Variants in KIAA1671 observed in about 807,000 individuals in gnomAD.
KIAA1671 encodes the protein uncharacterized protein KIAA1671.
Under a neutral mutation model 131.2 loss-of-function variants are expected in KIAA1671, and 52 were observed. The observed-to-expected ratio is 0.40, with a 90% CI of 0.32 to 0.50. The LOEUF is 0.50. KIAA1671 is among the 20% of genes least tolerant of loss of function. The pLI, the probability that KIAA1671 is intolerant of heterozygous loss-of-function variation, is 0.73. For missense variants in KIAA1671, 2,360 were observed against 2,364.2 expected, an observed-to-expected ratio of 1.00 and a Z score of 0.04; for synonymous variants, 1,003 against 961.6, an observed-to-expected ratio of 1.04 and a Z score of -0.80.
At chr22:24,977,515 G>T (rs1358857871) in intron 1 of KIAA1671, among the ~76,000 whole-genome samples, 2 of 152,194 alleles carry the variant, frequency 1.3e-5, no homozygotes. Flanking sequence ...AAACAGAAAG[G>T]CCTGAATGTG....
At chr22:25,122,298 C>A (rs1021041119) in intron 6 of KIAA1671, among the ~76,000 whole-genome samples, 7 of 152,004 alleles carry the variant, frequency 4.6e-5, no homozygotes, top group African/African-American at 1.7e-4. Flanking sequence ...CATTGATTGC[C>A]ATGGTAACAC....
chr22:25,184,448 G>A (rs1934402017), intron 10 of KIAA1671, among the ~76,000 whole-genome samples: 1 of 152,188 alleles, frequency 6.6e-6, no homozygotes, highest in Non-Finnish European at 1.5e-5. Context: ...GGAGAGAGAA[G>A]CCACTTGCCA....
At chr22:25,096,628 CT>C (rs1463024624) in intron 6 of KIAA1671, among the ~76,000 whole-genome samples, 1 of 152,204 alleles carries the variant, frequency 6.6e-6, no homozygotes, top group African/African-American at 2.4e-5. Context: ...CTGAAAAACC[CT>C]AATTGACATA....
chr22:25,146,801 C>T (rs1043317408), intron 6 of KIAA1671, among the ~76,000 whole-genome samples: 9 of 152,190 alleles, frequency 5.9e-5, no homozygotes, highest in African/African-American at 1.7e-4. Context: ...ACAGTCAGTG[C>T]CCAATCAGTG....
intron 6 of KIAA1671, among the ~76,000 whole-genome samples, chr22:25,129,459 A>G (rs982458059): frequency 6.6e-6 from 1 of 151,314 alleles, no homozygotes; most frequent in African/African-American, 2.4e-5. Context: ...GTGAGCCGAG[A>G]TCGTACCATT....
chr22:25,127,599 G>T (rs1932246010), intron 6 of KIAA1671, among the ~76,000 whole-genome samples: 1 of 151,922 alleles, frequency 6.6e-6, no homozygotes, highest in African/African-American at 2.4e-5. Context: ...GCTACTTGAT[G>T]ATCAAAGCAT....
At chr22:25,071,732 A>G (rs1276855987) in intron 6 of KIAA1671, among the ~76,000 whole-genome samples, 1 of 152,132 alleles carries the variant, frequency 6.6e-6, no homozygotes. Context: ...GGTCCCCAGA[A>G]CTTAGAGCTT....
intron 1 of KIAA1671, among the ~76,000 whole-genome samples, chr22:24,976,193 C>T (rs555615387): frequency 2.7e-4 from 41 of 152,318 alleles, no homozygotes; most frequent in Middle Eastern, 3.4e-3. Flanking sequence ...GCTCCACATT[C>T]GGCAGTTCCC....
chr22:25,153,299 C>T (rs572323719), intron 6 of KIAA1671, among the ~76,000 whole-genome samples: 1 of 152,284 alleles, frequency 6.6e-6, no homozygotes, highest in South Asian at 2.1e-4. Flanking sequence ...AGTTCTCAAC[C>T]TGGTGTGACT....
intron 6 of KIAA1671, among the ~76,000 whole-genome samples, chr22:25,071,327 C>G (rs1046060402): frequency 6.6e-6 from 1 of 152,156 alleles, no homozygotes; most frequent in Non-Finnish European, 1.5e-5. Flanking sequence ...GAGAATTTTC[C>G]AGCGCTCCTA....
At chr22:24,954,313 G>A (rs1602023235) in intron 1 of KIAA1671, among the ~76,000 whole-genome samples, 2 of 152,196 alleles carry the variant, frequency 1.3e-5, no homozygotes, top group South Asian at 4.2e-4. Flanking sequence ...GGACAAACGT[G>A]TGCACCCCCA....
At chr22:25,147,421 A>C (rs1363067922) in intron 6 of KIAA1671, among the ~76,000 whole-genome samples, 1 of 151,954 alleles carries the variant, frequency 6.6e-6, no homozygotes, top group Non-Finnish European at 1.5e-5. Context: ...TCAAACTCTC[A>C]ACCTCAGGTG....
intron 1 of KIAA1671, among the ~76,000 whole-genome samples, chr22:24,995,378 G>A (rs1924078044): frequency 7.3e-6 from 1 of 137,312 alleles, no homozygotes; most frequent in Admixed American, 7.4e-5. Flanking sequence ...TTCTTGGCAG[G>A]GGCAGGGTCT....
chr22:25,075,842 C>A (rs1929077102), intron 6 of KIAA1671, among the ~76,000 whole-genome samples: 1 of 148,256 alleles, frequency 6.7e-6, no homozygotes, highest in South Asian at 2.1e-4. Context: ...GTGGCGCGAT[C>A]TCGACTCACT....
rs1022740725 is a variant in KIAA1671 at position 25,028,098 on chromosome 22, C to A, written c.99C>A (p.Phe33Leu). 48 of 1,551,184 alleles carry A rather than the reference C, an allele frequency of 3.1e-5. No homozygotes were observed. Among genetic ancestry groups the A allele is most frequent in the Non-Finnish European group, 4.1e-5 (47 of 1,146,792 alleles). ...AGGAGACCCTGACGAGGACCTACTT[C>A]CTCCAGGCCGGCGAAGCCTCTGGGG... The part of the protein sequence containing the change: ...GKEETLTRTY[F>L]LQAGEASGAP... Residue 33 changes from phenylalanine (F) to leucine (L), a missense_variant, in exon 3 of 13, where the codon TTC becomes TTA. Phe to Leu is a conservative substitution (Grantham distance 22). Around this residue, in one of 3 missense-constraint regions of KIAA1671, gnomAD observed 1,185 missense variants for 1,126.2 expected, o/e 1.05. Transcript: ENST00000358431.
In KIAA1671 at chr22:25,028,838, C is replaced by T; in HGVS notation, c.839C>T (p.Pro280Leu). The T allele has an allele frequency of 6.4e-7, 1 of 1,550,902 alleles. No individual in the cohort carries two copies. ...CCCGAGAAGACGTGGGTGAGGAAGC[C>T]CAGGCCCTTGTCCATGGACCTCACG... ...TPPEKTWVRK[P>L]RPLSMDLTAR... Residue 280 changes from proline to leucine, a missense_variant, in exon 3 of 13, where the codon CCC becomes CTC. Around this residue, in one of 3 missense-constraint regions of KIAA1671, gnomAD observed 1,185 missense variants for 1,126.2 expected, o/e 1.05. Coordinates refer to ENST00000358431, the MANE Select transcript of KIAA1671 (RefSeq NM_001145206.2).
At chr22:25,123,824 T>A (rs1377687196) in intron 6 of KIAA1671, among the ~76,000 whole-genome samples, 1 of 152,150 alleles carries the variant, frequency 6.6e-6, no homozygotes, top group East Asian at 1.9e-4. Flanking sequence ...AGATAATAAA[T>A]GTTTGTTGTT....
chr22:25,156,461 CAT>C (rs1042097004), intron 6 of KIAA1671, among the ~76,000 whole-genome samples: 2 of 150,836 alleles, frequency 1.3e-5, no homozygotes, highest in African/African-American at 2.4e-5. Flanking sequence ...GTTTTGTGTA[CAT>C]GTTTGTGTGC....
chr22:25,085,644 G>T (rs894812125), intron 6 of KIAA1671, among the ~76,000 whole-genome samples: 4 of 152,090 alleles, frequency 2.6e-5, no homozygotes, highest in Admixed American at 1.3e-4. Flanking sequence ...CCCTGTGTGT[G>T]TGAGCTGGTG....
Sources: allele counts gnomAD v4.1 joint callset (sites outside exome capture counted in the v4.1 genomes callset), GRCh38; gene constraint gnomAD v4.1.1; regional missense constraint gnomAD v4.1.1; transcripts MANE v1.5; gene names NCBI Gene and HGNC (gene_info 2026-07-23, HGNC 2026-07-21).